TPRG1L: variants seen among roughly 807,000 people sequenced by gnomAD.
The protein encoded by TPRG1L is tumor protein p63-regulated gene 1-like protein.
TPRG1L carries 25 observed loss-of-function variants against 29.4 expected under a neutral mutation model. The ratio of observed to expected loss-of-function variants is 0.85; its 90% confidence interval spans 0.62 to 1.19. TPRG1L has a LOEUF of 1.19. Ranked by LOEUF, TPRG1L falls within the 50% of genes most tolerant of loss-of-function variation. The pLI is 0.00. For missense variants in TPRG1L, 354 were observed against 364.4 expected, an observed-to-expected ratio of 0.97 and a Z score of 0.23; for synonymous variants, 182 against 151.1, an observed-to-expected ratio of 1.20 and a Z score of -1.50.
Position 3,625,890 on chromosome 1 carries a change from G to GTA in TPRG1L, c.470+2_470+3dup, listed in dbSNP as rs1644484514. On this transcript the variant is annotated splice_donor_variant, in intron 3 of 4. Transcript: ENST00000378344. LOFTEE classifies it high-confidence loss of function. ...AGTTTCCCCCTAAATCGCTCAACAAGTAAGCCTGTTCAGAGTCCAGTATCA... is the reference window on the plus strand; with the variant it reads ...AGTTTCCCCCTAAATCGCTCAACAAGTATAAGCCTGTTCAGAGTCCAGTATCA... 2 of 1,609,178 alleles carry GTA rather than the reference G, an allele frequency of 1.2e-6. No individual in the cohort carries two copies.
chr1:3,625,197 T>C lies in TPRG1L; in HGVS notation c.125T>C (p.Leu42Pro). The C allele has an allele frequency of 7.9e-7, 1 of 1,267,218 alleles. No individual in the cohort carries two copies. The highest frequency in any genetic ancestry group is 9.9e-7 in the Non-Finnish European group (1 of 1,007,380). 78.5% of individuals were successfully genotyped at this position (1,267,218 alleles called of 1,614,324 possible). ...GGGRPGAGTP[L>P]RQTLWPLSIH... ...GGGCGGCCGGGGGCGGGGACGCCGC[T>C]GCGCCAGACACTCTGGCCTCTCAGC... Residue 42 changes from leucine (L) to proline (P), a missense_variant, in exon 1 of 5, where the codon CTG becomes CCG. Leu to Pro is a moderately conservative substitution (Grantham distance 98). Coordinates refer to ENST00000378344, the MANE Select transcript of TPRG1L (RefSeq NM_182752.4).
In TPRG1L at chr1:3,629,999, CTGCAGGATG is replaced by C. The variant is rs1644513776; in HGVS notation, c.*1403_*1411del. The C allele has an allele frequency of 6.6e-6, 1 of 152,314 alleles. No homozygotes were observed. Among genetic ancestry groups the C allele is most frequent in the Admixed American group, 6.5e-5 (1 of 15,294 alleles). 9.4% of individuals were successfully genotyped at this position (152,314 alleles called of 1,614,324 possible). On this transcript the variant is annotated 3_prime_UTR_variant, in exon 5 of 5. Coordinates refer to ENST00000378344, the MANE Select transcript of TPRG1L (RefSeq NM_182752.4). ...TGTGGCATGGGTTGAGTGTGGCCAC[CTGCAGGATG>C]TGCAGGGCTGCCTCAGAAGCTGGCT...
intron 3 of TPRG1L, 58 bp from the exon 4 acceptor site, chr1:3,627,442 T>G (rs879535325): frequency 1.2e-6 from 2 of 1,600,324 alleles, no homozygotes; most frequent in Non-Finnish European, 1.7e-6. Context: ...TGTCAGATTG[T>G]CCATGAGAGC....
In TPRG1L at chr1:3,629,516, A is replaced by AGAAGTTGCAGAGCAGCCTG. The variant is rs1644510437; in HGVS notation, c.*915_*933dup. The AGAAGTTGCAGAGCAGCCTG allele has an allele frequency of 6.6e-6, 1 of 152,260 alleles. No homozygotes were observed. Among genetic ancestry groups the AGAAGTTGCAGAGCAGCCTG allele is most frequent in the Non-Finnish European group, 1.5e-5 (1 of 68,076 alleles). The allele number at this position is 152,260 out of a possible 1,614,324, so 9.4% of individuals were successfully genotyped here. A position where few individuals can be genotyped will look rare whatever the true frequency, so the allele number is the denominator to read the frequency against. On this transcript the variant is annotated 3_prime_UTR_variant, in exon 5 of 5. Transcript: ENST00000378344. ...TCAGGCAGACAAATCGCTCTAGCTC[A>AGAAGTTGCAGAGCAGCCTG]GAAGTTGCAGAGCAGCCTGGGCAAC...
In TPRG1L at chr1:3,625,178, C is replaced by G. The variant is rs1227501401; in HGVS notation, c.106C>G (p.Pro36Ala). 1 of 1,243,996 alleles carries G rather than the reference C, an allele frequency of 8.0e-7. No homozygotes were observed. Among genetic ancestry groups the G allele is most frequent in the East Asian group, 3.4e-5 (1 of 29,770 alleles). 77.1% of individuals were successfully genotyped at this position (1,243,996 alleles called of 1,614,324 possible). A position where few individuals can be genotyped will look rare whatever the true frequency, so the allele number is the denominator to read the frequency against. ...AGGCGGCGGCCCGGGCGGGGGGCGG[C>G]CGGGGGCGGGGACGCCGCTGCGCCA... ...GAGGGPGGGR[P>A]GAGTPLRQTL... The change falls in exon 1 of 5, where the codon CCG becomes GCG. Residue 36 changes from proline (P) to alanine (A), a missense_variant. Physicochemically the swap from Pro to Ala is conservative, Grantham distance 27. Transcript: ENST00000378344.
At chr1:3,627,709 C>CG (rs1557449403) in intron 4 of TPRG1L, 56 bp downstream of exon 4, 2 of 1,603,310 alleles carry the variant, frequency 1.2e-6, no homozygotes, top group African/African-American at 2.7e-5. Context: ...AAACACCCCC[C>CG]GCAGTCACGG....
intron 2 of TPRG1L, 27 bp downstream of exon 2, chr1:3,625,542 T>TGGG: frequency 6.3e-7 from 1 of 1,585,552 alleles, no homozygotes. Context: ...CTCTCCTTGG[T>TGGG]GGGGGGACTC....
chr1:3,628,249 G>A (rs1229159771), intron 4 of TPRG1L, among the ~76,000 whole-genome samples, 160 bp from the exon 5 acceptor site: 1 of 152,252 alleles, frequency 6.6e-6, no homozygotes, highest in Non-Finnish European at 1.5e-5. Context: ...AGAGTTGAGA[G>A]ACCCCCAGGA....
chr1:3,628,079 C>T (rs1476926051), intron 4 of TPRG1L, among the ~76,000 whole-genome samples: 2 of 152,240 alleles, frequency 1.3e-5, no homozygotes, highest in Non-Finnish European at 2.9e-5. Context: ...TGCACTTCCC[C>T]AGCTGTGTGC....
intron 4 of TPRG1L, among the ~76,000 whole-genome samples, chr1:3,627,878 G>C (rs1644500790): frequency 6.6e-6 from 1 of 152,252 alleles, no homozygotes; most frequent in South Asian, 2.1e-4. Context: ...GTGGCCAGTG[G>C]CTGCTGGTTA....
Position 3,625,066 on chromosome 1 carries a change from T to G in TPRG1L, c.-7T>G, listed in dbSNP as rs1570280420. On this transcript the variant is annotated 5_prime_UTR_variant, in exon 1 of 5. Coordinates refer to ENST00000378344, the MANE Select transcript of TPRG1L (RefSeq NM_182752.4). ...CGTCAGGGTCGGGGTCGGTAAGGGGTGCGGCAATGCTGCAACTGCGGGACT... is the reference window on the plus strand; with the variant it reads ...CGTCAGGGTCGGGGTCGGTAAGGGGGGCGGCAATGCTGCAACTGCGGGACT... 1 of 1,196,850 alleles carries G rather than the reference T, an allele frequency of 8.4e-7. No individual in the cohort carries two copies. Among genetic ancestry groups the G allele is most frequent in the Non-Finnish European group, 1.0e-6 (1 of 961,342 alleles). The allele number at this position is 1,196,850 out of a possible 1,614,324, so 74.1% of individuals were successfully genotyped here.
rs2101943946 is a variant in TPRG1L, at chr1:3,625,474, C to T, written c.252C>T (p.Pro84=). ...AGGAGATCCGCGTGGTGGTGCGGCC[C>T]GTGGAGGACGGCGAGATCCAGGGAG... is the stretch of plus-strand genomic sequence containing the variant. The part of the protein sequence containing the change: ...AVEEIRVVVR[P]VEDGEIQGVW... The change falls in exon 2 of 5, where the codon CCC becomes CCT. Residue 84 remains proline, a synonymous_variant. Transcript: ENST00000378344. The T allele has an allele frequency of 1.2e-6, 2 of 1,607,480 alleles. No individual in the cohort carries two copies. The highest frequency in any genetic ancestry group is 1.7e-6 in the Non-Finnish European group (2 of 1,177,998).
rs560058748 is a variant in TPRG1L, at chr1:3,627,679, C to T, written c.624+26C>T. The T allele has an allele frequency of 8.1e-5, 130 of 1,611,260 alleles. No individual in the cohort carries two copies. In the East Asian group the frequency reaches 2.1e-3, roughly 26 times the overall value. On this transcript the variant is annotated intron_variant, in intron 4 of 4. Coordinates refer to ENST00000378344, the MANE Select transcript of TPRG1L (RefSeq NM_182752.4). ...GTAAGAAGACAGGCACATAAATAGC[C>T]GCGCCCCCCGCAGTGATGGAAACAC...
intron 4 of TPRG1L, among the ~76,000 whole-genome samples, chr1:3,628,105 G>A (rs1025122795): frequency 4.6e-5 from 7 of 152,256 alleles, no homozygotes; most frequent in African/African-American, 1.4e-4. Flanking sequence ...CCTGGTTACT[G>A]ACCTGGTAGG....
At chr1:3,627,467 T>G (rs927069545) in intron 3 of TPRG1L, 33 bp from the exon 4 acceptor site, 11 of 1,612,574 alleles carry the variant, frequency 6.8e-6, no homozygotes, top group South Asian at 1.1e-5. Flanking sequence ...TGGCCTGCCA[T>G]GCTAAGTCTG....
At chr1:3,628,292 C>A in intron 4 of TPRG1L, 117 bp from the exon 5 acceptor site, 1 of 888,284 alleles carries the variant, frequency 1.1e-6, no homozygotes, top group Non-Finnish European at 1.7e-6. Context: ...AGTGAAGGGA[C>A]GAAGAGATAG....
In TPRG1L at chr1:3,629,689, T is replaced by G. The variant is rs1157235812; in HGVS notation, c.*1086T>G. The G allele has an allele frequency of 7.5e-6, 1 of 134,200 alleles. No homozygotes were observed. Among genetic ancestry groups the G allele is most frequent in the Non-Finnish European group, 1.7e-5 (1 of 57,304 alleles). The allele number at this position is 134,200 out of a possible 1,614,324, so 8.3% of individuals were successfully genotyped here. A position where few individuals can be genotyped will look rare whatever the true frequency, so the allele number is the denominator to read the frequency against. On this transcript the variant is annotated 3_prime_UTR_variant, in exon 5 of 5. Coordinates refer to ENST00000378344, the MANE Select transcript of TPRG1L (RefSeq NM_182752.4). Reference sequence around the variant, plus strand: ...AGTGAGCTGAGATGGCACCACTTATTGCACTCCAGCCCGGGCGACAGAGCG... The same window carrying G: ...AGTGAGCTGAGATGGCACCACTTATGGCACTCCAGCCCGGGCGACAGAGCG...
Position 3,627,641 on chromosome 1 carries a change from A to C in TPRG1L, c.612A>C (p.Ala204=). 6.2e-7 allele frequency: 1 copy of C among 1,613,704 alleles called. No homozygotes were observed. The highest frequency in any genetic ancestry group is 8.5e-7 in the Non-Finnish European group (1 of 1,180,004). The change falls in exon 4 of 5, where the codon GCA becomes GCC. Residue 204 remains alanine (A), a synonymous_variant. Transcript: ENST00000378344. ...HPMAGADEKT[A]SLCQLESFKA... ...TGGCTGGCGCAGATGAGAAGACAGCATCTCTGTGTCAGGTAAGAAGACAGG... is the reference window on the plus strand; with the variant it reads ...TGGCTGGCGCAGATGAGAAGACAGCCTCTCTGTGTCAGGTAAGAAGACAGG...
intron 2 of TPRG1L, 30 bp from the exon 3 acceptor site, chr1:3,625,683 T>G (rs200810867): frequency 9.4e-6 from 15 of 1,598,714 alleles, no homozygotes; most frequent in African/African-American, 1.3e-5. Context: ...CCGCGTCCAG[T>G]GTGGACTGAG....
Sources: gnomAD v4.1 joint callset for allele counts (sites outside exome capture counted in the v4.1 genomes callset) on GRCh38, gnomAD v4.1.1 for gene constraint, MANE v1.5 for transcripts, NCBI Gene and HGNC (gene_info 2026-07-23, HGNC 2026-07-21) for gene names.